Variants in TNFRSF1A observed in about 807,000 individuals in gnomAD.
TNFRSF1A encodes TNF receptor superfamily member 1A, also known as tumor necrosis factor receptor superfamily member 1A.
In TNFRSF1A, 9 loss-of-function variants were observed where a neutral mutation model predicts 41.6. The observed-to-expected ratio is 0.22, with a 90% CI of 0.13 to 0.38. TNFRSF1A has a LOEUF of 0.38. Ranked by LOEUF, TNFRSF1A falls within the 10% of genes least tolerant of loss-of-function variation. The pLI is 1.00. For missense variants in TNFRSF1A, 463 were observed against 591.5 expected (o/e 0.78, Z 2.25); for synonymous variants, 254 against 248.6 (o/e 1.02, Z -0.21).
chr12:6,331,322 A>C (rs1948047295), intron 5 of TNFRSF1A: 1 of 323,510 alleles, frequency 3.1e-6, no homozygotes, highest in Non-Finnish European at 6.0e-6. Context: ...GTGCTTGAGA[A>C]GGTAGCCAGC....
At chr12:6,340,827 A>AC (rs545096554) in intron 1 of TNFRSF1A, among the ~76,000 whole-genome samples, 45 of 152,296 alleles carry the variant, frequency 3.0e-4, no homozygotes, top group Middle Eastern at 6.8e-3. Context: ...TGATTCCCGG[A>AC]CCAAGACGTG....
rs1378965034 is a variant in TNFRSF1A at position 6,337,636 on chromosome 12, C to T, written c.40-3392G>A. On this transcript the variant is annotated intron_variant, in intron 1 of 9. Coordinates refer to ENST00000162749, the MANE Select transcript of TNFRSF1A (RefSeq NM_001065.4). This position sits in a 1 kb window ranked among gnomAD's most constrained non-coding sequence, Gnocchi z 4.6. ...GATGTCTGTTTCCTCCACCCCGGCT[C>T]CTTAGACCCATAGTCCCTGTGAACT... Among the ~76,000 whole-genome samples, 4 of 152,184 alleles carry T rather than the reference C, an allele frequency of 2.6e-5. No individual in the cohort carries two copies. Among genetic ancestry groups the T allele is most frequent in the African/African-American group, 7.2e-5 (3 of 41,428 alleles).
At chr12:6,338,754 C>T (rs547289277) in intron 1 of TNFRSF1A, among the ~76,000 whole-genome samples, 1 of 152,118 alleles carries the variant, frequency 6.6e-6, no homozygotes, top group Non-Finnish European at 1.5e-5. Context: ...CTCAGTCTCC[C>T]GAATAGCTGG....
In TNFRSF1A at chr12:6,329,532, T is replaced by A; in HGVS notation, c.1148A>T (p.His383Leu). 1.3e-6 allele frequency: 2 copies of A among 1,594,566 alleles called. No individual in the cohort carries two copies. ...EFVRRLGLSD[H>L]EIDRLELQNG... Reference sequence around the variant, plus strand: ...CTGCAGCTCCAGCCGATCGATCTCGTGGTCGCTCAGCCCTAGGCGCCGCAC... The same window carrying A: ...CTGCAGCTCCAGCCGATCGATCTCGAGGTCGCTCAGCCCTAGGCGCCGCAC... The change falls in exon 10 of 10, where the codon CAC becomes CTC. Residue 383 changes from histidine (H) to leucine (L), a missense_variant. His to Leu is a moderately conservative substitution (Grantham distance 99). Transcript: ENST00000162749.
chr12:6,335,143 A>T (rs1948104529), intron 1 of TNFRSF1A, among the ~76,000 whole-genome samples: 1 of 152,170 alleles, frequency 6.6e-6, no homozygotes, highest in Non-Finnish European at 1.5e-5. Flanking sequence ...AAGTTTATTT[A>T]CATGTTTGTA....
In TNFRSF1A at chr12:6,329,958, A is replaced by G. The variant is rs1426169450; in HGVS notation, c.877T>C (p.Phe293Leu). The change falls in exon 9 of 10, where the codon TTC becomes CTC. Residue 293 changes from phenylalanine (F) to leucine (L), a missense_variant. Phe to Leu is a conservative substitution (Grantham distance 22, BLOSUM62 0). Transcript: ENST00000162749. ...GGGGTATAGGTGGAGCTGGAGGTGA[A>G]GGTGGAACTGGGCACGGGACTGAAG... ...LGFSPVPSST[F>L]TSSSTYTPGD... 4 of 1,578,538 alleles carry G rather than the reference A, an allele frequency of 2.5e-6. No individual in the cohort carries two copies. The East Asian group carries it at 9.3e-5, about 37-fold the overall frequency.
At chr12:6,338,940 A>C (rs1948152955) in intron 1 of TNFRSF1A, among the ~76,000 whole-genome samples, 1 of 152,080 alleles carries the variant, frequency 6.6e-6, no homozygotes, top group Admixed American at 6.5e-5. Context: ...GAGATGCCTC[A>C]CCTCACTTCT....
chr12:6,333,405 T>A lies in TNFRSF1A; in HGVS notation c.434A>T (p.Asn145Ile). The A allele has an allele frequency of 6.2e-7, 1 of 1,613,966 alleles. No individual in the cohort carries two copies. The highest frequency in any genetic ancestry group is 8.5e-7 in the Non-Finnish European group (1 of 1,179,982). ...YWSENLFQCF[N>I]CSLCLNGTVH... ...GGTCCCATTGAGGCAGAGGCTGCAATTGAAGCACTGGAAAAGGTTTTCACT... is the reference window on the plus strand; with the variant it reads ...GGTCCCATTGAGGCAGAGGCTGCAAATGAAGCACTGGAAAAGGTTTTCACT... The change falls in exon 4 of 10, where the codon AAT becomes ATT. Residue 145 changes from asparagine to isoleucine, a missense_variant. Physicochemically the swap from Asn to Ile is moderately radical, Grantham distance 149. Coordinates refer to ENST00000162749, the MANE Select transcript of TNFRSF1A (RefSeq NM_001065.4). The surrounding 1 kb of genome is among the most constrained non-coding windows in gnomAD (Gnocchi z 6.3).
intron 5 of TNFRSF1A, chr12:6,331,506 A>G (rs987134640): frequency 4.7e-6 from 1 of 211,926 alleles, no homozygotes; most frequent in Non-Finnish European, 9.7e-6. Flanking sequence ...TGGGGCAGCC[A>G]GAGAGCACCC....
At chr12:6,330,542 C>A (rs755140885) in intron 7 of TNFRSF1A, 56 bp downstream of exon 7, 6 of 1,343,838 alleles carry the variant, frequency 4.5e-6, no homozygotes, top group South Asian at 1.2e-5. Flanking sequence ...ATCGCACCCA[C>A]CCATGTCCTC....
In TNFRSF1A at chr12:6,330,474, C is replaced by G. The variant is rs1241370548; in HGVS notation, c.739+124G>C. ...CAGCCATCCAGGGCCACCTTCTGCCCAGAGTCCCCAGCGGTATGAACTGAG... is the reference window on the plus strand; with the variant it reads ...CAGCCATCCAGGGCCACCTTCTGCCGAGAGTCCCCAGCGGTATGAACTGAG... On this transcript the variant is annotated intron_variant, in intron 7 of 9. Transcript: ENST00000162749. 5.0e-6 allele frequency: 5 copies of G among 998,584 alleles called. No individual in the cohort carries two copies. The South Asian group carries it at 5.3e-5, about 11-fold the overall frequency. 61.9% of individuals were successfully genotyped at this position (998,584 alleles called of 1,614,324 possible).
At chr12:6,330,154 G>A in intron 8 of TNFRSF1A, 88 bp from the exon 9 acceptor site, 1 of 1,611,554 alleles carries the variant, frequency 6.2e-7, no homozygotes, top group Non-Finnish European at 8.5e-7. Context: ...GGGACTTAGA[G>A]GGAATGAGGC....
chr12:6,338,210 T>C (rs1363040772), intron 1 of TNFRSF1A, among the ~76,000 whole-genome samples: 1 of 151,982 alleles, frequency 6.6e-6, no homozygotes, highest in East Asian at 1.9e-4. Context: ...AATTCATCCA[T>C]CTCCTCACCT....
At chr12:6,339,873 ACACT>A (rs979164055) in intron 1 of TNFRSF1A, among the ~76,000 whole-genome samples, 2 of 150,106 alleles carry the variant, frequency 1.3e-5, no homozygotes, top group Admixed American at 6.6e-5. Flanking sequence ...ACACACACAC[ACACT>A]GTGAGCTCTG....
In TNFRSF1A at chr12:6,332,455, AC is replaced by A. The variant is rs1335756955; in HGVS notation, c.551+613del. 2.4e-3 allele frequency among the ~76,000 whole-genome samples: 133 copies of A among 55,976 alleles called. 7 individuals carry two copies. The highest frequency in any genetic ancestry group is 9.2e-3 in the African/African-American group (114 of 12,344). The allele number at this position is 55,976 out of a possible 152,430, so 36.7% of individuals were successfully genotyped here. ...TCTCAAAAAAAAAAAAAAAAAAAAA[AC>A]ACCAAAAGAAAAGTCAGGCTCAGAG... On this transcript the variant is annotated intron_variant, in intron 5 of 9. Coordinates refer to ENST00000162749, the MANE Select transcript of TNFRSF1A (RefSeq NM_001065.4).
intron 7 of TNFRSF1A, 28 bp downstream of exon 7, chr12:6,330,570 C>G: frequency 6.5e-7 from 1 of 1,547,278 alleles, no homozygotes; most frequent in Non-Finnish European, 8.9e-7. Flanking sequence ...CCCACCAGCT[C>G]CCTCTCCCTC....
chr12:6,333,557 C>T lies in TNFRSF1A; in HGVS notation c.323-41G>A, dbSNP rs777045130. 7 of 1,613,494 alleles carry T rather than the reference C, an allele frequency of 4.3e-6. No homozygotes were observed. In the African/African-American group the frequency reaches 5.3e-5, roughly 12 times the overall value. On this transcript the variant is annotated intron_variant, in intron 3 of 9. Transcript: ENST00000162749. This position sits in a 1 kb window ranked among gnomAD's most constrained non-coding sequence, Gnocchi z 6.3. ...GATGGGGTATGAGTCCTGCATCCTC[C>T]TGTCCCTGCATCCCCTTCCTGACAT...
At chr12:6,339,663 C>T (rs2136831327) in intron 1 of TNFRSF1A, among the ~76,000 whole-genome samples, 1 of 152,320 alleles carries the variant, frequency 6.6e-6, no homozygotes, top group African/African-American at 2.4e-5. Context: ...CATCACAATG[C>T]ATTTGTGGAT....
intron 1 of TNFRSF1A, among the ~76,000 whole-genome samples, chr12:6,336,157 G>A (rs1948117371): frequency 6.6e-6 from 1 of 152,144 alleles, no homozygotes; most frequent in Admixed American, 6.5e-5. Context: ...TGAAGAACTG[G>A]GGGACGCCAG....
Sources: allele counts gnomAD v4.1 joint callset (sites outside exome capture counted in the v4.1 genomes callset), GRCh38; gene constraint gnomAD v4.1.1; non-coding constraint Gnocchi (gnomAD v3.1); transcripts MANE v1.5; gene names NCBI Gene and HGNC (gene_info 2026-07-23, HGNC 2026-07-21).